Variants in SYT1 observed in about 807,000 individuals in gnomAD.
SYT1 encodes synaptotagmin-1.
Under a neutral mutation model 44.8 loss-of-function variants are expected in SYT1, and 8 were observed. That is an observed-to-expected ratio of 0.18 (90% CI 0.10 to 0.32). SYT1 has a LOEUF of 0.32. Among genes scored for constraint, SYT1 ranks in the 10% least tolerant of loss-of-function variants. SYT1 has a pLI of 1.00. For synonymous variants in SYT1, 154 were observed against 188.8 expected (o/e 0.82, Z 1.51); for missense variants, 286 against 509.3 (o/e 0.56, Z 4.22).
intron 3 of SYT1, among the ~76,000 whole-genome samples, chr12:79,200,634 G>A (rs1873727137): frequency 6.6e-6 from 1 of 152,134 alleles, no homozygotes; most frequent in Non-Finnish European, 1.5e-5. Flanking sequence ...ACCTGCCCAG[G>A]CACTTAGAAG....
At chr12:79,446,845 G>T (rs1025409479) in intron 10 of SYT1, among the ~76,000 whole-genome samples, 3 of 152,052 alleles carry the variant, frequency 2.0e-5, no homozygotes, top group Non-Finnish European at 2.9e-5. Flanking sequence ...TTTATTCAGT[G>T]AACTTTTTTG....
chr12:79,158,994 C>G (rs1214107793), intron 3 of SYT1, among the ~76,000 whole-genome samples: 1 of 152,016 alleles, frequency 6.6e-6, no homozygotes, highest in Non-Finnish European at 1.5e-5. Flanking sequence ...ACAGTTTGTT[C>G]AAGGAACCTT....
chr12:79,380,077 C>G (rs1055009887), intron 9 of SYT1, among the ~76,000 whole-genome samples: 1 of 152,066 alleles, frequency 6.6e-6, no homozygotes, highest in Admixed American at 6.6e-5. Flanking sequence ...TTAGAATTGA[C>G]GTATTTTACT....
chr12:79,306,967 C>T (rs1441183333), intron 8 of SYT1, among the ~76,000 whole-genome samples: 3 of 152,216 alleles, frequency 2.0e-5, no homozygotes, highest in Non-Finnish European at 4.4e-5. Flanking sequence ...ATGTTTTGTT[C>T]TGTCTTCCAC....
intron 3 of SYT1, among the ~76,000 whole-genome samples, chr12:79,110,254 G>GA (rs909014706): frequency 6.8e-5 from 10 of 147,490 alleles, no homozygotes; most frequent in Middle Eastern, 3.4e-3. Context: ...TTATTGATTG[G>GA]AAAAAAAAAA....
At chr12:78,909,227 T>C (rs1395684451) in intron 1 of SYT1, among the ~76,000 whole-genome samples, 3 of 151,954 alleles carry the variant, frequency 2.0e-5, no homozygotes, top group Non-Finnish European at 4.4e-5. Context: ...AAGTGTATGA[T>C]TAGTTTAATT....
chr12:79,031,454 G>A lies in SYT1; in HGVS notation c.-83-15843G>A, dbSNP rs142265528. The stretch of plus-strand genomic sequence containing the variant: ...AGAAACATGAACAATGTACAACACA[G>A]AAACGACCTCTCAGGTTTGTGGATA... On this transcript the variant is annotated intron_variant, in intron 2 of 10. Transcript: ENST00000261205. Among the ~76,000 whole-genome samples, 1,036 of 151,184 alleles carry A rather than the reference G, an allele frequency of 6.9e-3. 8 individuals carry two copies. Among genetic ancestry groups the A allele is most frequent in the Admixed American group, 0.012 (182 of 15,116 alleles).
chr12:79,179,147 G>T (rs181341158), intron 3 of SYT1, among the ~76,000 whole-genome samples: 15,190 of 44,194 alleles, frequency 0.34, 2,982 homozygotes, highest in African/African-American at 0.68. Flanking sequence ...TATAGATATA[G>T]ATATATAGAT....
intron 3 of SYT1, among the ~76,000 whole-genome samples, chr12:79,203,640 T>TG (rs1461792029): frequency 1.3e-5 from 2 of 151,780 alleles, no homozygotes; most frequent in Non-Finnish European, 2.9e-5. Flanking sequence ...AAAAAAAAAG[T>TG]GGGGTTTTAT....
chr12:79,092,125 G>A (rs1469093751), intron 3 of SYT1, among the ~76,000 whole-genome samples: 2 of 151,826 alleles, frequency 1.3e-5, no homozygotes, highest in South Asian at 4.1e-4. Flanking sequence ...AGGTTCCAGG[G>A]CCTCTCAGGA....
intron 3 of SYT1, among the ~76,000 whole-genome samples, chr12:79,144,724 C>T (rs974224711): frequency 2.0e-5 from 3 of 152,182 alleles, no homozygotes; most frequent in Admixed American, 6.5e-5. Flanking sequence ...AAGAAATTGG[C>T]GTGGGATAAG....
intron 1 of SYT1, among the ~76,000 whole-genome samples, chr12:78,927,901 T>C (rs1877393782): frequency 6.6e-6 from 1 of 152,192 alleles, no homozygotes; most frequent in Admixed American, 6.6e-5. Context: ...TTCATTCTAC[T>C]AATTTTCCCT....
In SYT1 at chr12:79,400,369, C is replaced by T. The variant is rs79597475; in HGVS notation, c.929-43704C>T. On this transcript the variant is annotated intron_variant, in intron 9 of 10. Coordinates refer to ENST00000261205, the MANE Select transcript of SYT1 (RefSeq NM_005639.3). ...CAAGCACCATACCCAGTATTCAGGA[C>T]GTCTCCCCTCCTACTGCCTGCAAAA... Among the ~76,000 whole-genome samples the T allele has an allele frequency of 6.6e-5, 10 of 152,210 alleles. No individual in the cohort carries two copies. In the South Asian group the frequency reaches 8.3e-4, roughly 13 times the overall value.
intron 8 of SYT1, among the ~76,000 whole-genome samples, chr12:79,336,355 C>T (rs1166486465): frequency 1.3e-5 from 2 of 152,176 alleles, no homozygotes; most frequent in East Asian, 3.8e-4. Flanking sequence ...TATCTTCTCT[C>T]TTCTTTCTGT....
At chr12:79,294,061 G>A (rs1310810604) in intron 6 of SYT1, among the ~76,000 whole-genome samples, 1 of 151,898 alleles carries the variant, frequency 6.6e-6, no homozygotes, top group Admixed American at 6.5e-5. Flanking sequence ...TATGCATCCA[G>A]TATTTTTTTC....
At chr12:79,179,081 GATATAGAT>G (rs1406449801) in intron 3 of SYT1, among the ~76,000 whole-genome samples, 3 of 101,108 alleles carry the variant, frequency 3.0e-5, no homozygotes, top group Non-Finnish European at 5.7e-5. Flanking sequence ...TATAGATATA[GATATAGAT>G]ATATAGATAT....
chr12:79,038,170 T>C (rs1311112589), intron 2 of SYT1, among the ~76,000 whole-genome samples: 2 of 151,016 alleles, frequency 1.3e-5, no homozygotes, highest in Non-Finnish European at 3.0e-5. Context: ...TATGAATATA[T>C]ATATATATAC....
At chr12:78,995,846 A>G (rs1368772585) in intron 2 of SYT1, 1 of 152,210 alleles carries the variant, frequency 6.6e-6, no homozygotes, top group African/African-American at 2.4e-5. Flanking sequence ...GGCTCCAAAC[A>G]TGTAAGCAAT....
chr12:79,088,737 C>CGTGTGTGTGTGT (rs1877559668), intron 3 of SYT1, among the ~76,000 whole-genome samples: 1 of 115,194 alleles, frequency 8.7e-6, no homozygotes, highest in Admixed American at 9.3e-5. Context: ...TGGCTTTGGG[C>CGTGTGTGTGTGT]CTGTGTGTGT....
Sources: gnomAD v4.1 joint callset for allele counts (sites outside exome capture counted in the v4.1 genomes callset) on GRCh38, gnomAD v4.1.1 for gene constraint, MANE v1.5 for transcripts, NCBI Gene and HGNC (gene_info 2026-07-23, HGNC 2026-07-21) for gene names.